The following ATP6V1C2 variants were observed in gnomAD, a reference collection of about 807,000 sequenced individuals.
The protein encoded by ATP6V1C2 is V-type proton ATPase subunit C 2.
In ATP6V1C2, 45 loss-of-function variants were observed where a neutral mutation model predicts 56.8. The ratio of observed to expected loss-of-function variants is 0.79; its 90% confidence interval spans 0.62 to 1.02. ATP6V1C2 has a LOEUF of 1.02. Ranked by LOEUF, ATP6V1C2 falls within the 50% of genes least tolerant of loss-of-function variation. ATP6V1C2 has a pLI of 0.00. For synonymous variants in ATP6V1C2, 220 were observed against 201.3 expected (o/e 1.09, Z -0.79); for missense variants, 463 against 519.7 (o/e 0.89, Z 1.06).
At chr2:10,777,754 T>C in intron 11 of ATP6V1C2, 32 bp downstream of exon 11, 1 of 1,587,474 alleles carries the variant, frequency 6.3e-7, no homozygotes, top group Non-Finnish European at 8.5e-7. Flanking sequence ...CCGGGGTCCC[T>C]GGCTCACATC....
chr2:10,764,220 C>A, intron 4 of ATP6V1C2, 111 bp from the exon 5 acceptor site: 1 of 950,872 alleles, frequency 1.1e-6, no homozygotes, highest in Non-Finnish European at 1.7e-6. Flanking sequence ...CCGGCGTTGC[C>A]CATGATGGCT....
chr2:10,750,823 G>T (rs1663167323), intron 3 of ATP6V1C2, among the ~76,000 whole-genome samples: 2 of 152,212 alleles, frequency 1.3e-5, no homozygotes, highest in African/African-American at 4.8e-5. Context: ...GGAACCGTTG[G>T]TAGCATTAAA....
intron 8 of ATP6V1C2, 152 bp downstream of exon 8, chr2:10,772,762 G>C (rs1664707717): frequency 1.8e-5 from 13 of 728,330 alleles, no homozygotes; most frequent in Non-Finnish European, 2.4e-5. Context: ...AATTCTGTCA[G>C]GGTCGCCCAC....
intron 6 of ATP6V1C2, among the ~76,000 whole-genome samples, chr2:10,770,913 C>T (rs892924999): frequency 6.6e-6 from 1 of 152,204 alleles, no homozygotes; most frequent in East Asian, 1.9e-4. Flanking sequence ...CACAGTTATT[C>T]ATTCAACAAA....
chr2:10,776,703 G>A (rs1296814995), intron 10 of ATP6V1C2, among the ~76,000 whole-genome samples: 1 of 152,218 alleles, frequency 6.6e-6, no homozygotes, highest in Non-Finnish European at 1.5e-5. Flanking sequence ...GGCCCTGCTG[G>A]GGGACAGGTG....
rs749208299 is a variant in ATP6V1C2 at position 10,763,763 on chromosome 2, C to T, written c.284-568C>T. Among the ~76,000 whole-genome samples, 16 of 152,166 alleles carry T rather than the reference C, an allele frequency of 1.1e-4. No individual in the cohort carries two copies. Among genetic ancestry groups the T allele is most frequent in the African/African-American group, 1.4e-4 (6 of 41,440 alleles). On this transcript the variant is annotated intron_variant, in intron 4 of 13. Coordinates refer to ENST00000272238, the MANE Select transcript of ATP6V1C2 (RefSeq NM_001039362.2). The surrounding 1 kb of genome is among the most constrained non-coding windows in gnomAD (Gnocchi z 4.2). Reference sequence around the variant, plus strand: ...GAAGAGAGCAGGCAAGGTGCCACTCCGCTGTGTCTCAGGTAGGGAAATTGA... The same window carrying T: ...GAAGAGAGCAGGCAAGGTGCCACTCTGCTGTGTCTCAGGTAGGGAAATTGA...
intron 12 of ATP6V1C2, among the ~76,000 whole-genome samples, chr2:10,781,054 T>C (rs566152120): frequency 1.3e-5 from 2 of 152,224 alleles, no homozygotes; most frequent in Non-Finnish European, 2.9e-5. Flanking sequence ...CATGGTGTCT[T>C]GTTCTGGGCA....
chr2:10,777,487 T>G (rs2148512635), intron 10 of ATP6V1C2, 98 bp from the exon 11 acceptor site: 1,127 of 1,479,578 alleles, frequency 7.6e-4, no homozygotes, highest in Non-Finnish European at 9.4e-4. Flanking sequence ...CCTGAATTCC[T>G]GAGCTTGCTC....
intron 4 of ATP6V1C2, among the ~76,000 whole-genome samples, chr2:10,755,256 G>T (rs890071832): frequency 1.2e-4 from 18 of 151,116 alleles, no homozygotes; most frequent in African/African-American, 4.1e-4. Flanking sequence ...GGCTGGTCTC[G>T]AACTCCTGAC....
intron 4 of ATP6V1C2, among the ~76,000 whole-genome samples, chr2:10,754,618 G>C (rs1663419889): frequency 6.7e-6 from 1 of 148,238 alleles, no homozygotes; most frequent in Non-Finnish European, 1.5e-5. Flanking sequence ...TGTCACCCAG[G>C]ATGGAATGCA....
At chr2:10,722,472 G>A (rs1661419868) in intron 1 of ATP6V1C2, among the ~76,000 whole-genome samples, 1 of 152,152 alleles carries the variant, frequency 6.6e-6, no homozygotes, top group Non-Finnish European at 1.5e-5. Flanking sequence ...ATGCAGTGTG[G>A]AAGGAAGACA....
At chr2:10,739,385 C>G (rs946783921) in intron 3 of ATP6V1C2, among the ~76,000 whole-genome samples, 4 of 152,130 alleles carry the variant, frequency 2.6e-5, no homozygotes, top group South Asian at 2.1e-4. Flanking sequence ...TTCTTACTTG[C>G]GACCCTCACT....
At chr2:10,739,280 T>C (rs1480470135) in intron 3 of ATP6V1C2, among the ~76,000 whole-genome samples, 3 of 147,338 alleles carry the variant, frequency 2.0e-5, no homozygotes, top group African/African-American at 7.5e-5. Flanking sequence ...CAAAACTCCG[T>C]CTCAAAAATA....
At chr2:10,727,653 T>C (rs536829481) in intron 3 of ATP6V1C2, among the ~76,000 whole-genome samples, 94 of 152,144 alleles carry the variant, frequency 6.2e-4, no homozygotes, top group African/African-American at 2.2e-3. Flanking sequence ...AATCCCAGCA[T>C]TTTGGGAGGC....
chr2:10,771,786 T>C, intron 6 of ATP6V1C2, 53 bp from the exon 7 acceptor site: 1 of 1,427,238 alleles, frequency 7.0e-7, no homozygotes, highest in Admixed American at 1.7e-5. Context: ...GTGGGGTCAC[T>C]GTGTCCCTTT....
At chr2:10,731,153 C>T (rs943548462) in intron 3 of ATP6V1C2, among the ~76,000 whole-genome samples, 1 of 151,262 alleles carries the variant, frequency 6.6e-6, no homozygotes, top group African/African-American at 2.4e-5. Flanking sequence ...CTTACTATAT[C>T]TCCCAGGCTG....
At chr2:10,776,407 C>T (rs1047699036) in intron 10 of ATP6V1C2, among the ~76,000 whole-genome samples, 7 of 152,052 alleles carry the variant, frequency 4.6e-5, no homozygotes, top group Non-Finnish European at 1.0e-4. Flanking sequence ...CTCCTGAGGA[C>T]GAGGAGCCGA....
intron 2 of ATP6V1C2, among the ~76,000 whole-genome samples, chr2:10,726,063 A>G (rs1439750306): frequency 6.6e-6 from 1 of 152,074 alleles, no homozygotes; most frequent in African/African-American, 2.4e-5. Flanking sequence ...CTGGGCAACA[A>G]GAGCGAAACT....
At chr2:10,778,302 G>A (rs1665127970) in intron 11 of ATP6V1C2, among the ~76,000 whole-genome samples, 1 of 152,210 alleles carries the variant, frequency 6.6e-6, no homozygotes, top group South Asian at 2.1e-4. Flanking sequence ...AAAGCCCCAA[G>A]GTCAGGGGCT....
Sources: allele counts gnomAD v4.1 joint callset (sites outside exome capture counted in the v4.1 genomes callset), GRCh38; gene constraint gnomAD v4.1.1; non-coding constraint Gnocchi (gnomAD v3.1); transcripts MANE v1.5; gene names NCBI Gene and HGNC (gene_info 2026-07-23, HGNC 2026-07-21).